PPP6R1: variants seen among roughly 807,000 people sequenced by gnomAD.
PPP6R1 encodes protein phosphatase 6 regulatory subunit 1.
PPP6R1 carries 39 observed loss-of-function variants against 104.6 expected under a neutral mutation model. The observed-to-expected ratio is 0.37, with a 90% confidence interval of 0.29 to 0.49. The LOEUF (loss-of-function observed/expected upper bound fraction) is 0.49. PPP6R1 is among the 20% of genes least tolerant of loss of function. The pLI, the probability that PPP6R1 is intolerant of heterozygous loss-of-function variation, is 0.98. For missense variants in PPP6R1, 1,181 were observed against 1,155.8 expected, an observed-to-expected ratio of 1.02 and a Z score of -0.32; for synonymous variants, 549 against 479.0, an observed-to-expected ratio of 1.15 and a Z score of -1.91.
Position 55,241,587 on chromosome 19 carries a change from C to T in PPP6R1, c.898G>A (p.Glu300Lys), listed in dbSNP as rs1387487049. The T allele has an allele frequency of 3.8e-6, 6 of 1,585,684 alleles. No homozygotes were observed. The East Asian group carries it at 1.4e-4, about 37-fold the overall frequency. The change falls in exon 8 of 24, where the codon GAG (glutamate) becomes AAG (lysine). Residue 300 changes from glutamate (E) to lysine (K), a missense_variant. Physicochemically the swap from Glu to Lys is moderately conservative, Grantham distance 56 (BLOSUM62 1). This residue lies in a region of PPP6R1 where 1,042 missense variants were observed against 955.6 expected (regional missense o/e 1.09). Coordinates refer to ENST00000412770, the MANE Select transcript of PPP6R1 (RefSeq NM_014931.4). The surrounding 1 kb of genome is among the most constrained non-coding windows in gnomAD (Gnocchi z 5.4). ...SFFSSVDGQL[E>K]LLAQGALEST... ...TCCAGGGCCCCCTGGGCCAGGAGCT[C>T]CAGCTGCCCATCCACACTGCTGAAG... is the stretch of plus-strand genomic sequence containing the variant.
chr19:55,231,773 C>A (rs1432906883), intron 19 of PPP6R1, 29 bp downstream of exon 19: 9 of 1,492,374 alleles, frequency 6.0e-6, no homozygotes, highest in Non-Finnish European at 7.1e-6. Flanking sequence ...GATACCAGCA[C>A]CATTTAGCCC....
At chr19:55,232,324 G>T (rs1208528822) in intron 17 of PPP6R1, 113 bp from the exon 18 acceptor site, 1 of 1,431,038 alleles carries the variant, frequency 7.0e-7, no homozygotes, top group East Asian at 2.5e-5. Flanking sequence ...ATGACAGGCA[G>T]GTCACAGAAG....
At chr19:55,252,698 C>A (rs2087563169) in intron 1 of PPP6R1, among the ~76,000 whole-genome samples, 1 of 151,954 alleles carries the variant, frequency 6.6e-6, no homozygotes, top group African/African-American at 2.4e-5. Context: ...CCACGCCCGG[C>A]CTAATTTTTG....
Position 55,246,831 on chromosome 19 carries a change from G to A in PPP6R1, c.227+46C>T, listed in dbSNP as rs2087512854. ...TGTGAGGCTTGCGTAGTGAAGGTAT[G>A]TGTGATGCTGATAGGGACGGGCTGG... On this transcript the variant is annotated intron_variant, in intron 2 of 23. Transcript: ENST00000412770. 3 of 1,455,068 alleles carry A rather than the reference G, an allele frequency of 2.1e-6. No homozygotes were observed. The Middle Eastern group carries it at 5.3e-4, about 257-fold the overall frequency. 90.1% of individuals were successfully genotyped at this position (1,455,068 alleles called of 1,614,324 possible).
chr19:55,246,247 A>G (rs1352045369), intron 2 of PPP6R1, among the ~76,000 whole-genome samples: 1 of 152,126 alleles, frequency 6.6e-6, no homozygotes, highest in African/African-American at 2.4e-5. Context: ...CCTGGGCAAC[A>G]TGGCGAAACC....
At chr19:55,248,483 G>C (rs563295785) in intron 1 of PPP6R1, among the ~76,000 whole-genome samples, 13 of 152,390 alleles carry the variant, frequency 8.5e-5, no homozygotes, top group African/African-American at 3.1e-4. Flanking sequence ...TCACTACAGA[G>C]GATGCTGAGA....
chr19:55,239,516 G>C lies in PPP6R1; in HGVS notation c.1654-14C>G. ...GTCCATGAAGGCCTGTGGGGGTGCGGAGGTTAGGGCTGGAGGGAGTTGGGC... is the reference window on the plus strand; with the variant it reads ...GTCCATGAAGGCCTGTGGGGGTGCGCAGGTTAGGGCTGGAGGGAGTTGGGC... On this transcript the variant is annotated splice_polypyrimidine_tract_variant and intron_variant, in intron 14 of 23. Transcript: ENST00000412770. 6.2e-7 allele frequency: 1 copy of C among 1,613,574 alleles called. No homozygotes were observed. Among genetic ancestry groups the C allele is most frequent in the Non-Finnish European group, 8.5e-7 (1 of 1,179,632 alleles).
Position 55,243,916 on chromosome 19 carries a change from C to T in PPP6R1, c.618+1204G>A, listed in dbSNP as rs528231785. ...AATCCTCCAGCCTCACCTGCCAAAG[C>T]GCTGGGATTACAGGCAGGACTTGTT... On this transcript the variant is annotated intron_variant, in intron 5 of 23. Transcript: ENST00000412770. Among the ~76,000 whole-genome samples the T allele has an allele frequency of 7.9e-5, 12 of 152,256 alleles. No individual in the cohort carries two copies. In the South Asian group the frequency reaches 1.7e-3, roughly 21 times the overall value.
Position 55,241,399 on chromosome 19 carries a change from C to T in PPP6R1, c.1009-8G>A, listed in dbSNP as rs369601471. On this transcript the variant is annotated splice_polypyrimidine_tract_variant and splice_region_variant and intron_variant, in intron 8 of 23. Transcript: ENST00000412770. This position sits in a 1 kb window ranked among gnomAD's most constrained non-coding sequence, Gnocchi z 5.4. ...CATCTGTAGCGGCTCCAGCTGCAGA[C>T]ACAGGGAGGCCTGATTCCCAAGGGC... 3.3e-5 allele frequency: 53 copies of T among 1,604,730 alleles called. No homozygotes were observed. Among genetic ancestry groups the T allele is most frequent in the Non-Finnish European group, 3.5e-5 (41 of 1,175,486 alleles).
intron 1 of PPP6R1, among the ~76,000 whole-genome samples, chr19:55,251,647 C>G (rs1388613835): frequency 6.6e-6 from 1 of 152,230 alleles, no homozygotes; most frequent in Non-Finnish European, 1.5e-5. Context: ...CACCTCCCCA[C>G]TTCTGCCCAG....
intron 10 of PPP6R1, among the ~76,000 whole-genome samples, chr19:55,240,556 C>CACACAT (rs1291425835): frequency 1.5e-4 from 22 of 148,042 alleles, no homozygotes; most frequent in African/African-American, 3.1e-4. Flanking sequence ...CACACACACA[C>CACACAT]ATGCATGCAC....
Position 55,241,705 on chromosome 19 carries a change from C to T in PPP6R1, c.846-66G>A. 1 of 1,464,780 alleles carries T rather than the reference C, an allele frequency of 6.8e-7. No homozygotes were observed. Among genetic ancestry groups the T allele is most frequent in the Non-Finnish European group, 9.1e-7 (1 of 1,098,954 alleles). The allele number at this position is 1,464,780 out of a possible 1,614,324, so 90.7% of individuals were successfully genotyped here. On this transcript the variant is annotated intron_variant, in intron 7 of 23. Transcript: ENST00000412770. This position sits in a 1 kb window ranked among gnomAD's most constrained non-coding sequence, Gnocchi z 5.4. Reference sequence around the variant, plus strand: ...GCCTGTGCGCCCACACAGGAGTAGGCACAAGGACCACGTCTGCAGGGTCTG... The same window carrying T: ...GCCTGTGCGCCCACACAGGAGTAGGTACAAGGACCACGTCTGCAGGGTCTG...
chr19:55,230,948 C>T, intron 21 of PPP6R1, 64 bp from the exon 22 acceptor site: 1 of 1,359,496 alleles, frequency 7.4e-7, no homozygotes, highest in Middle Eastern at 2.5e-4. Context: ...GACACCCTCA[C>T]ATCCCACCCG....
At position 55,242,457 on chromosome 19, in the gene PPP6R1, T is replaced by C; in HGVS notation, c.650A>G (p.Asp217Gly). ...CTGCTCCCGGCTCAGGCGGATGATG[T>C]CACACAGGGACTGGGATGCGTTGGA... ...QHSNASQSLC[D>G]IIRLSREQMI... is the part of the protein sequence containing the mutation. Residue 217 changes from aspartate to glycine, a missense_variant, in exon 6 of 24, where the codon GAC becomes GGC. Transcript: ENST00000412770. The C allele has an allele frequency of 1.2e-6, 2 of 1,613,968 alleles. No individual in the cohort carries two copies. The highest frequency in any genetic ancestry group is 1.7e-6 in the Non-Finnish European group (2 of 1,179,844).
Position 55,241,751 on chromosome 19 carries a change from T to C in PPP6R1, c.846-112A>G, listed in dbSNP as rs2087460103. The C allele has an allele frequency of 1.6e-6, 2 of 1,288,340 alleles. No homozygotes were observed. Among genetic ancestry groups the C allele is most frequent in the Non-Finnish European group, 2.1e-6 (2 of 953,500 alleles). 79.8% of individuals were successfully genotyped at this position (1,288,340 alleles called of 1,614,324 possible). On this transcript the variant is annotated intron_variant, in intron 7 of 23. Transcript: ENST00000412770. The surrounding 1 kb of genome is among the most constrained non-coding windows in gnomAD (Gnocchi z 5.4). Reference sequence around the variant, plus strand: ...GTCTGGAGGAAAACGAGGAGCCACATGCCCCCAGCGCCGCTCTCTTCTGAG... The same window carrying C: ...GTCTGGAGGAAAACGAGGAGCCACACGCCCCCAGCGCCGCTCTCTTCTGAG...
chr19:55,232,151 G>A lies in PPP6R1; in HGVS notation c.2049C>T (p.Asp683=), dbSNP rs773621656. ...GGGCTGCACAGCCAATGCCCTCCTC[G>A]TCTTCCTCCTCCTCCTCGTCCTCCT... The part of the protein sequence containing the change: ...EEEEDEEEEE[D]EEGIGCAARG... The change falls in exon 18 of 24, where the codon GAC becomes GAT. Residue 683 remains aspartate (D), a synonymous_variant. Coordinates refer to ENST00000412770, the MANE Select transcript of PPP6R1 (RefSeq NM_014931.4). The A allele has an allele frequency of 1.0e-4, 159 of 1,582,972 alleles. No homozygotes were observed. The highest frequency in any genetic ancestry group is 1.1e-4 in the Non-Finnish European group (130 of 1,164,472).
chr19:55,236,280 G>C (rs921615730), intron 17 of PPP6R1: 2 of 191,930 alleles, frequency 1.0e-5, no homozygotes, highest in Non-Finnish European at 1.1e-5. Flanking sequence ...TCAACCTCCC[G>C]AGTAGCCAGG....
At chr19:55,234,656 C>A (rs949223087) in intron 17 of PPP6R1, among the ~76,000 whole-genome samples, 5 of 104,298 alleles carry the variant, frequency 4.8e-5, no homozygotes, top group Non-Finnish European at 8.1e-5. Flanking sequence ...GCACTCACAG[C>A]GGCTGCACTC....
chr19:55,231,288 C>A (rs543380241), intron 21 of PPP6R1, 122 bp downstream of exon 21: 1 of 1,190,594 alleles, frequency 8.4e-7, no homozygotes, highest in East Asian at 2.5e-5. Flanking sequence ...CATGAGGCTG[C>A]GCCTGGGGGT....
Sources: gnomAD v4.1 joint callset for allele counts (sites outside exome capture counted in the v4.1 genomes callset) on GRCh38, gnomAD v4.1.1 for gene constraint, gnomAD v4.1.1 regional missense constraint, Gnocchi (gnomAD v3.1) non-coding constraint, MANE v1.5 for transcripts, NCBI Gene and HGNC (gene_info 2026-07-23, HGNC 2026-07-21) for gene names.